Variants in MYCBP2 observed in about 807,000 individuals in gnomAD.
The protein encoded by MYCBP2 is E3 ubiquitin-protein ligase MYCBP2.
MYCBP2 carries 120 observed loss-of-function variants against 525.3 expected under a neutral mutation model. That is an observed-to-expected ratio of 0.23 (90% confidence interval 0.20 to 0.27). MYCBP2 has a LOEUF of 0.27. Ranked by LOEUF, MYCBP2 falls within the 10% of genes least tolerant of loss-of-function variation. The pLI, the probability that MYCBP2 is intolerant of heterozygous loss-of-function variation, is 1.00. For missense variants in MYCBP2, 4,149 were observed against 5,657.1 expected (o/e 0.73, Z 8.55); for synonymous variants, 1,894 against 1,955.8 (o/e 0.97, Z 0.83).
At chr13:77,146,420 TA>T (rs1169919219) in intron 47 of MYCBP2, among the ~76,000 whole-genome samples, 89 of 141,030 alleles carry the variant, frequency 6.3e-4, no homozygotes, top group East Asian at 2.3e-3. Context: ...CACCAAAACT[TA>T]AAAAAAAAAA....
In MYCBP2 at chr13:77,158,107, C is replaced by T. The variant is rs907115282; in HGVS notation, c.6600G>A (p.Val2200=). Residue 2200 remains valine (V), a splice_region_variant and synonymous_variant, in exon 45 of 83, where the codon GTG becomes GTA. Coordinates refer to ENST00000544440, the MANE Select transcript of MYCBP2 (RefSeq NM_015057.5). ...CAAGAATTCCAGAATGGGTTTTGCA[C>T]ACCTGTTAAGTAAAAAAGAATATTT... ...LEILEEAALQ[V]CKTHSGILGK... The T allele has an allele frequency of 2.6e-6, 4 of 1,561,950 alleles. 1 individual carries two copies. Among genetic ancestry groups the T allele is most frequent in the East Asian group, 4.6e-5 (2 of 43,222 alleles).
At chr13:77,129,457 A>G (rs1161004063) in intron 52 of MYCBP2, 1 of 328,028 alleles carries the variant, frequency 3.0e-6, no homozygotes, top group African/African-American at 2.1e-5. Flanking sequence ...ATAGTGTGTC[A>G]TGCCATTTAC....
intron 82 of MYCBP2, 60 bp from the exon 83 acceptor site, chr13:77,045,553 C>A: frequency 1.0e-6 from 1 of 1,004,258 alleles, no homozygotes; most frequent in South Asian, 1.4e-5. Context: ...ACATATAAAC[C>A]TCACAGAAAT....
intron 57 of MYCBP2, among the ~76,000 whole-genome samples, chr13:77,095,890 G>C (rs1235601198): frequency 6.6e-6 from 1 of 151,970 alleles, no homozygotes; most frequent in Non-Finnish European, 1.5e-5. Context: ...TCATTTCAGT[G>C]CGTGTATTCA....
chr13:77,225,666 C>A, intron 18 of MYCBP2, 112 bp from the exon 19 acceptor site: 1 of 1,331,106 alleles, frequency 7.5e-7, no homozygotes, highest in Non-Finnish European at 1.0e-6. Context: ...AAGGAACAAG[C>A]AAGAAGAATC....
intron 22 of MYCBP2, 120 bp downstream of exon 22, chr13:77,211,836 C>A: frequency 1.3e-6 from 1 of 775,874 alleles, no homozygotes; most frequent in Non-Finnish European, 2.0e-6. Flanking sequence ...GTTTAAATTT[C>A]TTTGAGCAGA....
chr13:77,132,498 C>T (rs929080711), intron 52 of MYCBP2, among the ~76,000 whole-genome samples: 3 of 152,086 alleles, frequency 2.0e-5, no homozygotes, highest in Admixed American at 1.3e-4. Context: ...TATATGTGAA[C>T]ACCCATCAGC....
At chr13:77,188,895 C>A in intron 30 of MYCBP2, 56 bp downstream of exon 30, 3 of 1,211,318 alleles carry the variant, frequency 2.5e-6, no homozygotes, top group South Asian at 1.5e-5. Context: ...CTCTAAACAT[C>A]AAAATGTATC....
chr13:77,126,485 C>T lies in MYCBP2; in HGVS notation c.7717G>A (p.Glu2573Lys). The T allele has an allele frequency of 6.2e-7, 1 of 1,613,842 alleles. No homozygotes were observed. The highest frequency in any genetic ancestry group is 8.5e-7 in the Non-Finnish European group (1 of 1,179,834). Reference protein sequence around the residue: ...FKDINSCCPQEATMQEQDMPF... With the variant: ...FKDINSCCPQKATMQEQDMPF... ...ATATCTTGTTCTTGCATTGTTGCTT[C>T]CTGTGGGCAGCAGGAGTTTATGTCT... Residue 2573 changes from glutamate to lysine, a missense_variant, in exon 53 of 83, where the codon GAA (glutamate) becomes AAA (lysine). By Grantham distance (56) the Glu-to-Lys change is moderately conservative. Transcript: ENST00000544440.
Position 77,212,118 on chromosome 13 carries a change from T to A in MYCBP2, c.3100A>T (p.Asn1034Tyr), listed in dbSNP as rs748664401. The change falls in exon 22 of 83, where the codon AAT becomes TAT. Residue 1034 changes from asparagine (N) to tyrosine (Y), a missense_variant. Around this residue, in one of 21 missense-constraint regions of MYCBP2, gnomAD observed 620 missense variants for 795.5 expected, o/e 0.78. Transcript: ENST00000544440. ...GRPILDVPYWNAKPAPMPNIG... is the reference protein window; with the variant it reads ...GRPILDVPYWYAKPAPMPNIG... ...TTAGGCATGGGAGCTGGCTTTGCAT[T>A]CCAATATGGCACATCCAAAATTGGT... 6.2e-7 allele frequency: 1 copy of A among 1,614,122 alleles called. No individual in the cohort carries two copies. The highest frequency in any genetic ancestry group is 1.1e-5 in the South Asian group (1 of 91,082).
At chr13:77,320,117 G>A (rs748907795) in intron 1 of MYCBP2, among the ~76,000 whole-genome samples, 14 of 152,138 alleles carry the variant, frequency 9.2e-5, no homozygotes, top group African/African-American at 1.4e-4. Context: ...TAGCAAAAGC[G>A]CTAGGCATTT....
At chr13:77,184,997 T>C (rs953067512) in intron 32 of MYCBP2, 106 bp downstream of exon 32, 2 of 1,091,576 alleles carry the variant, frequency 1.8e-6, no homozygotes, top group African/African-American at 3.2e-5. Context: ...TTTCCTAATT[T>C]ATCTTTTATA....
At chr13:77,263,523 T>A (rs2073641283) in intron 10 of MYCBP2, 128 bp downstream of exon 10, 5 of 670,370 alleles carry the variant, frequency 7.5e-6, no homozygotes. Context: ...ATCCTTTATA[T>A]TAATAGTAAC....
At chr13:77,057,502 C>G (rs2038350340) in intron 78 of MYCBP2, among the ~76,000 whole-genome samples, 1 of 151,990 alleles carries the variant, frequency 6.6e-6, no homozygotes, top group Non-Finnish European at 1.5e-5. Context: ...TTAAAAAAAC[C>G]TATTTAGTGC....
chr13:77,275,743 G>A (rs2075472176), intron 4 of MYCBP2, among the ~76,000 whole-genome samples: 1 of 152,154 alleles, frequency 6.6e-6, no homozygotes, highest in Non-Finnish European at 1.5e-5. Flanking sequence ...TAGCATTTTG[G>A]GAGGCTGAGG....
intron 68 of MYCBP2, 75 bp from the exon 69 acceptor site, chr13:77,070,786 C>T (rs2041086551): frequency 1.2e-6 from 1 of 868,920 alleles, no homozygotes; most frequent in Non-Finnish European, 1.7e-6. Context: ...TGTGATATTT[C>T]AAAGTAACTT....
intron 52 of MYCBP2, among the ~76,000 whole-genome samples, chr13:77,135,797 G>C (rs1420735955): frequency 6.6e-6 from 1 of 151,506 alleles, no homozygotes; most frequent in Non-Finnish European, 1.5e-5. Context: ...GTGTCTTATG[G>C]ACCCCTTCCT....
intron 47 of MYCBP2, among the ~76,000 whole-genome samples, chr13:77,148,210 A>G (rs964952149): frequency 6.6e-6 from 1 of 152,004 alleles, no homozygotes; most frequent in African/African-American, 2.4e-5. Flanking sequence ...TGAGACAAAT[A>G]TTTATTTCGG....
rs954404506 is a variant in MYCBP2 at position 77,112,507 on chromosome 13, C to T, written c.8140+8866G>A. Reference sequence around the variant, plus strand: ...GGCATGCAATTATGGCTGACTGCAGCCTCGAACTCCTGGGCTTAAGTGATT... The same window carrying T: ...GGCATGCAATTATGGCTGACTGCAGTCTCGAACTCCTGGGCTTAAGTGATT... On this transcript the variant is annotated intron_variant, in intron 55 of 82. Transcript: ENST00000544440. 2.0e-5 allele frequency among the ~76,000 whole-genome samples: 3 copies of T among 151,486 alleles called. No individual in the cohort carries two copies. In the Admixed American group the frequency reaches 2.0e-4, roughly 10 times the overall value.
Sources: allele counts gnomAD v4.1 joint callset (sites outside exome capture counted in the v4.1 genomes callset), GRCh38; gene constraint gnomAD v4.1.1; regional missense constraint gnomAD v4.1.1; transcripts MANE v1.5; gene names NCBI Gene and HGNC (gene_info 2026-07-23, HGNC 2026-07-21).